PCDH7: variants seen among roughly 807,000 people sequenced by gnomAD.
PCDH7 encodes the protein protocadherin-7.
Under a neutral mutation model 58.9 loss-of-function variants are expected in PCDH7, and 17 were observed. That is an observed-to-expected ratio of 0.29 (90% CI 0.20 to 0.43). The LOEUF (loss-of-function observed/expected upper bound fraction) is 0.43, where lower values mean the gene tolerates loss of function less well. Ranked by LOEUF, PCDH7 falls within the 20% of genes least tolerant of loss-of-function variation. The pLI, the probability that PCDH7 is intolerant of heterozygous loss-of-function variation, is 1.00. For synonymous variants in PCDH7, 664 were observed against 616.4 expected, an observed-to-expected ratio of 1.08 and a Z score of -1.14; for missense variants, 1,274 against 1,441.0, an observed-to-expected ratio of 0.88 and a Z score of 1.88.
At chr4:31,066,303 T>G (rs1220359470) in intron 3 of PCDH7, among the ~76,000 whole-genome samples, 2 of 151,974 alleles carry the variant, frequency 1.3e-5, no homozygotes, top group Non-Finnish European at 2.9e-5. Flanking sequence ...TCCAGCTTGA[T>G]ATTGTGTAAT....
At chr4:30,847,236 TG>T (rs1732095549) in intron 1 of PCDH7, among the ~76,000 whole-genome samples, 1 of 152,146 alleles carries the variant, frequency 6.6e-6, no homozygotes, top group African/African-American at 2.4e-5. Flanking sequence ...CTTTTTTATG[TG>T]GTGGATTGAC....
chr4:31,066,950 G>T (rs1758141477), intron 3 of PCDH7, among the ~76,000 whole-genome samples: 1 of 151,870 alleles, frequency 6.6e-6, no homozygotes, highest in Non-Finnish European at 1.5e-5. Flanking sequence ...TAATAATTAA[G>T]CCATCCCCAG....
At chr4:31,092,369 G>C (rs562318192) in intron 3 of PCDH7, among the ~76,000 whole-genome samples, 18 of 151,974 alleles carry the variant, frequency 1.2e-4, no homozygotes, top group Non-Finnish European at 2.4e-4. Context: ...CATAAGATCA[G>C]ATTCTAACCT....
chr4:31,146,618 T>G (rs182157856), downstream of PCDH7: 1 of 152,242 alleles, frequency 6.6e-6, no homozygotes, highest in Non-Finnish European at 1.5e-5. Context: ...GAACAATTTA[T>G]CATCGTTTAT....
intron 3 of PCDH7, among the ~76,000 whole-genome samples, chr4:31,124,055 G>T (rs1270441054): frequency 6.6e-6 from 1 of 152,122 alleles, no homozygotes; most frequent in Non-Finnish European, 1.5e-5. Flanking sequence ...GGTACAGGGT[G>T]AGGCGGTGTG....
rs1363488957 is a variant in PCDH7, at chr4:30,721,863, G to A, written c.441G>A (p.Val147=). Residue 147 remains valine, a synonymous_variant, in exon 1 of 2, where the codon GTG becomes GTA. Transcript: ENST00000361762. This position sits in a 1 kb window ranked among gnomAD's most constrained non-coding sequence, Gnocchi z 6.7. The stretch of plus-strand genomic sequence containing the variant: ...ACACGCCCACCTTCCCGTCGCCCGT[G>A]CTCACGCTCACGGTGGAGGAGAATC... 1.2e-6 allele frequency: 2 copies of A among 1,603,682 alleles called. No homozygotes were observed. Among genetic ancestry groups the A allele is most frequent in the Non-Finnish European group, 8.5e-7 (1 of 1,175,758 alleles).
chr4:30,790,994 G>A (rs897111153), intron 1 of PCDH7, among the ~76,000 whole-genome samples: 14 of 152,022 alleles, frequency 9.2e-5, no homozygotes, highest in Non-Finnish European at 1.5e-4. Context: ...CAGAAAAAAA[G>A]GGAAATTCTT....
chr4:30,874,432 T>C (rs1441805696), intron 1 of PCDH7, among the ~76,000 whole-genome samples: 1 of 151,780 alleles, frequency 6.6e-6, no homozygotes. Context: ...CAGTAAACTA[T>C]TGCAAGGACA....
intron 1 of PCDH7, among the ~76,000 whole-genome samples, chr4:30,889,242 T>C (rs1037930804): frequency 6.6e-6 from 1 of 151,806 alleles, no homozygotes; most frequent in Non-Finnish European, 1.5e-5. Flanking sequence ...ACACTTTAAT[T>C]AAGCATTTAT....
At chr4:30,872,863 T>C (rs1417926254) in intron 1 of PCDH7, among the ~76,000 whole-genome samples, 18 of 152,102 alleles carry the variant, frequency 1.2e-4, no homozygotes, top group Non-Finnish European at 1.5e-5. Context: ...AGTGACTACC[T>C]TTTAGCTTGC....
At chr4:31,099,452 T>G (rs991672547) in intron 3 of PCDH7, among the ~76,000 whole-genome samples, 10 of 152,190 alleles carry the variant, frequency 6.6e-5, no homozygotes, top group Non-Finnish European at 1.2e-4. Context: ...GAAATACTTA[T>G]TAAATACTGC....
chr4:31,101,167 C>T (rs895075765), intron 3 of PCDH7, among the ~76,000 whole-genome samples: 1 of 151,706 alleles, frequency 6.6e-6, no homozygotes, highest in African/African-American at 2.4e-5. Flanking sequence ...ATGTATTAGC[C>T]GTTTGGTTGA....
At chr4:30,967,456 CTCTT>C (rs1309594867) in intron 3 of PCDH7, among the ~76,000 whole-genome samples, 2 of 152,088 alleles carry the variant, frequency 1.3e-5, no homozygotes, top group Admixed American at 6.5e-5. Context: ...TCTGCTGTCT[CTCTT>C]TATTTAAAAT....
At chr4:31,046,520 T>C (rs185298319) in intron 3 of PCDH7, among the ~76,000 whole-genome samples, 4 of 152,210 alleles carry the variant, frequency 2.6e-5, no homozygotes, top group Non-Finnish European at 4.4e-5. Context: ...TGAAATTTAG[T>C]TGAACTCTGA....
intron 1 of PCDH7, among the ~76,000 whole-genome samples, chr4:30,836,359 T>G (rs1162686205): frequency 6.6e-6 from 1 of 152,152 alleles, no homozygotes; most frequent in African/African-American, 2.4e-5. Context: ...GCTGCAAGGA[T>G]CCACAGGAGG....
intron 1 of PCDH7, among the ~76,000 whole-genome samples, chr4:30,799,378 T>C (rs929527661): frequency 1.3e-5 from 2 of 152,244 alleles, no homozygotes; most frequent in Non-Finnish European, 2.9e-5. Context: ...TTATTCTTTA[T>C]TGTTGAAGCC....
chr4:30,914,280 A>T (rs1206732812), intron 1 of PCDH7, among the ~76,000 whole-genome samples: 3 of 152,210 alleles, frequency 2.0e-5, no homozygotes, highest in Admixed American at 6.5e-5. Flanking sequence ...TGCTGCAGGA[A>T]TTGTACATTA....
At chr4:30,725,828 G>T (rs1268805303) in intron 1 of PCDH7, among the ~76,000 whole-genome samples, 2 of 152,036 alleles carry the variant, frequency 1.3e-5, no homozygotes. Flanking sequence ...TATAGAAAGA[G>T]ATATGAATTC....
intron 1 of PCDH7, among the ~76,000 whole-genome samples, chr4:30,863,275 A>G (rs984741358): frequency 6.6e-6 from 1 of 152,040 alleles, no homozygotes; most frequent in Admixed American, 6.6e-5. Flanking sequence ...TTCTTCTGTA[A>G]TCTCAAACCA....
Sources: gnomAD v4.1 joint callset for allele counts (sites outside exome capture counted in the v4.1 genomes callset) on GRCh38, gnomAD v4.1.1 for gene constraint, Gnocchi (gnomAD v3.1) non-coding constraint, MANE v1.5 for transcripts, NCBI Gene and HGNC (gene_info 2026-07-23, HGNC 2026-07-21) for gene names.